Variants in ANKRD50 observed in about 807,000 individuals in gnomAD.
The protein encoded by ANKRD50 is ankyrin repeat domain 50.
A neutral mutation model predicts 112.0 loss-of-function variants in ANKRD50; 40 were observed. The observed-to-expected ratio is 0.36, with a 90% CI of 0.28 to 0.46. The LOEUF (loss-of-function observed/expected upper bound fraction) is 0.46. Ranked by LOEUF, ANKRD50 falls within the 20% of genes least tolerant of loss-of-function variation. ANKRD50 has a pLI of 1.00. For missense variants in ANKRD50, 1,487 were observed against 1,701.7 expected, an observed-to-expected ratio of 0.87 and a Z score of 2.22; for synonymous variants, 613 against 619.1, an observed-to-expected ratio of 0.99 and a Z score of 0.15.
chr4:124,672,505 G>A lies in ANKRD50; in HGVS notation c.772C>T (p.Arg258Trp), dbSNP rs753571709. The change falls in exon 4 of 5, where the codon CGG becomes TGG. Residue 258 changes from arginine (R) to tryptophan (W), a missense_variant. This residue lies in a region of ANKRD50 where 1,046 missense variants were observed against 1,269.5 expected (regional missense o/e 0.82). Transcript: ENST00000504087. ...ACATCCTTGACGATATATGCCTTCC[G>A]AAGGTCATCTAAACTTATTTTTCGA... is the stretch of plus-strand genomic sequence containing the variant. ...GFRKISLDDL[R>W]KAYIVKDVQQ... 6.3e-6 allele frequency: 10 copies of A among 1,597,720 alleles called. No individual in the cohort carries two copies. Among genetic ancestry groups the A allele is most frequent in the South Asian group, 3.5e-5 (3 of 86,904 alleles).
In ANKRD50 at chr4:124,672,094, G is replaced by C. The variant is rs780721070; in HGVS notation, c.1183C>G (p.Leu395Val). ...FQRKLDILSK[L>V]LVDGLGNTKI... Reference sequence around the variant, plus strand: ...GTATTTCCTAGTCCATCAACAAGAAGTTTGGAGAGGATATCTAACTTGCGT... The same window carrying C: ...GTATTTCCTAGTCCATCAACAAGAACTTTGGAGAGGATATCTAACTTGCGT... Residue 395 changes from leucine (L) to valine (V), a missense_variant, in exon 4 of 5, where the codon CTT becomes GTT. Physicochemically the swap from Leu to Val is conservative, Grantham distance 32. This residue lies in a region of ANKRD50 where 1,046 missense variants were observed against 1,269.5 expected (regional missense o/e 0.82). Transcript: ENST00000504087. 1 of 1,613,878 alleles carries C rather than the reference G, an allele frequency of 6.2e-7. No individual in the cohort carries two copies.
At chr4:124,705,105 C>A (rs1245649976) in intron 2 of ANKRD50, among the ~76,000 whole-genome samples, 2 of 151,602 alleles carry the variant, frequency 1.3e-5, no homozygotes, top group African/African-American at 4.8e-5. Flanking sequence ...AAAAAACAAA[C>A]AAACAAACAA....
intron 2 of ANKRD50, among the ~76,000 whole-genome samples, chr4:124,702,193 G>T (rs111392137): frequency 3.9e-3 from 597 of 152,276 alleles, no homozygotes; most frequent in African/African-American, 0.014. Context: ...GCTAAGCAGA[G>T]AAATTTGAAT....
At chr4:124,680,506 G>T (rs1456631415) in intron 2 of ANKRD50, among the ~76,000 whole-genome samples, 1 of 152,152 alleles carries the variant, frequency 6.6e-6, no homozygotes, top group Non-Finnish European at 1.5e-5. Context: ...GCTACAGGAG[G>T]GTAGAGGGAA....
At chr4:124,673,472 C>T (rs372019298) in intron 3 of ANKRD50, among the ~76,000 whole-genome samples, 97 of 152,220 alleles carry the variant, frequency 6.4e-4, no homozygotes, top group African/African-American at 2.2e-3. Context: ...GGCTGTGATG[C>T]ACTCTAGATG....
intron 3 of ANKRD50, 111 bp downstream of exon 3, chr4:124,678,565 G>T: frequency 1.1e-6 from 1 of 925,600 alleles, no homozygotes; most frequent in Non-Finnish European, 1.6e-6. Flanking sequence ...GAGAATAGCT[G>T]ATAGAAGGAG....
chr4:124,675,653 T>C (rs878979697), intron 3 of ANKRD50, among the ~76,000 whole-genome samples: 2 of 151,804 alleles, frequency 1.3e-5, no homozygotes, highest in Admixed American at 1.3e-4. Flanking sequence ...ATGTTGTCAT[T>C]TAAAATATGT....
chr4:124,676,731 T>C (rs903950112), intron 3 of ANKRD50, among the ~76,000 whole-genome samples: 4 of 151,644 alleles, frequency 2.6e-5, no homozygotes, highest in Non-Finnish European at 5.9e-5. Flanking sequence ...TTACAAATAA[T>C]ATACTTCAAA....
At chr4:124,704,639 T>C (rs575670693) in intron 2 of ANKRD50, among the ~76,000 whole-genome samples, 1 of 152,368 alleles carries the variant, frequency 6.6e-6, no homozygotes, top group Admixed American at 6.5e-5. Flanking sequence ...GATAGGCAAG[T>C]AGCATTATGC....
At chr4:124,711,964 G>C (rs960177313) in intron 1 of ANKRD50, among the ~76,000 whole-genome samples, 12 of 152,216 alleles carry the variant, frequency 7.9e-5, no homozygotes, top group Non-Finnish European at 5.9e-5. Flanking sequence ...CTTCGGTGCT[G>C]GTGGGTGTCT....
Position 124,710,653 on chromosome 4 carries a change from T to TGTGG in ANKRD50, c.-143_-142insCCAC. On this transcript the variant is annotated 5_prime_UTR_variant, in exon 2 of 5. It removes the in-frame stop codon of an upstream open reading frame in the 5' UTR. Coordinates refer to ENST00000504087, the MANE Select transcript of ANKRD50 (RefSeq NM_020337.3). ...TAAAATTCAACAGCCACAGAGTTCC[T>TGTGG]CTGTCAACAGAACGTGCATGACTTT... 1 of 986,526 alleles carries TGTGG rather than the reference T, an allele frequency of 1.0e-6. No homozygotes were observed. Among genetic ancestry groups the TGTGG allele is most frequent in the Non-Finnish European group, 1.5e-6 (1 of 667,958 alleles). The allele number at this position is 986,526 out of a possible 1,614,324, so 61.1% of individuals were successfully genotyped here. A position where few individuals can be genotyped will look rare whatever the true frequency, so the allele number is the denominator to read the frequency against.
At chr4:124,679,501 CATTA>C (rs1295378119) in intron 2 of ANKRD50, among the ~76,000 whole-genome samples, 1 of 152,108 alleles carries the variant, frequency 6.6e-6, no homozygotes, top group Non-Finnish European at 1.5e-5. Context: ...GGCTTTACTC[CATTA>C]ATTAATGCAT....
intron 3 of ANKRD50, among the ~76,000 whole-genome samples, chr4:124,674,893 C>G (rs993263712): frequency 7.2e-5 from 11 of 151,832 alleles, no homozygotes; most frequent in African/African-American, 2.6e-4. Flanking sequence ...CTAAGAATAT[C>G]TATTAATCAA....
chr4:124,712,167 C>G (rs1725651168), intron 1 of ANKRD50, among the ~76,000 whole-genome samples: 1 of 152,086 alleles, frequency 6.6e-6, no homozygotes, highest in Non-Finnish European at 1.5e-5. Context: ...CTGCACCCCG[C>G]CCCGCACCGA....
At chr4:124,687,439 G>A (rs1725033557) in intron 2 of ANKRD50, among the ~76,000 whole-genome samples, 1 of 151,838 alleles carries the variant, frequency 6.6e-6, no homozygotes, top group African/African-American at 2.4e-5. Context: ...AAACTTTTAG[G>A]AGAAAATCTT....
chr4:124,696,203 TC>T (rs1362050046), intron 2 of ANKRD50, among the ~76,000 whole-genome samples: 1 of 151,904 alleles, frequency 6.6e-6, no homozygotes, highest in African/African-American at 2.4e-5. Flanking sequence ...GAAATAAAAT[TC>T]CATTCTAGAA....
intron 2 of ANKRD50, among the ~76,000 whole-genome samples, chr4:124,694,589 A>G (rs1725208778): frequency 6.6e-6 from 1 of 152,168 alleles, no homozygotes. Context: ...ATTAATAATG[A>G]AAGAAAGATG....
rs574799458 is a variant in ANKRD50 at position 124,669,228 on chromosome 4, T to G, written c.4049A>C (p.Gln1350Pro). Reference sequence around the variant, plus strand: ...TCTCTTCTTCTGTTCCCCACTTTGTTGGTGAATAAGAAACTGCTGTTGAGA... The same window carrying G: ...TCTCTTCTTCTGTTCCCCACTTTGTGGGTGAATAAGAAACTGCTGTTGAGA... ...GRSQQQFLIH[Q>P]QSGEQKKRNG... The change falls in exon 4 of 5, where the codon CAA becomes CCA. Residue 1350 changes from glutamine (Q) to proline (P), a missense_variant. Gln to Pro is a moderately conservative substitution (Grantham distance 76). Transcript: ENST00000504087. 1.2e-6 allele frequency: 2 copies of G among 1,613,752 alleles called. No individual in the cohort carries two copies. Among genetic ancestry groups the G allele is most frequent in the African/African-American group, 2.7e-5 (2 of 74,996 alleles).
intron 2 of ANKRD50, among the ~76,000 whole-genome samples, chr4:124,705,156 T>C (rs900804724): frequency 6.6e-5 from 10 of 151,922 alleles, no homozygotes; most frequent in African/African-American, 1.9e-4. Flanking sequence ...TAAACAGATA[T>C]AAGTGAAGAT....
Sources: gnomAD v4.1 joint callset for allele counts (sites outside exome capture counted in the v4.1 genomes callset) on GRCh38, gnomAD v4.1.1 for gene constraint, gnomAD v4.1.1 regional missense constraint, MANE v1.5 for transcripts, NCBI Gene and HGNC (gene_info 2026-07-23, HGNC 2026-07-21) for gene names.